The following YEATS2 variants were observed in gnomAD, a reference collection of about 807,000 sequenced individuals.
YEATS2 encodes YEATS domain-containing protein 2.
In YEATS2, 77 loss-of-function variants were observed where a neutral mutation model predicts 163.2. The observed-to-expected ratio is 0.47, with a 90% CI of 0.39 to 0.57. The LOEUF is 0.57. Ranked by LOEUF, YEATS2 falls within the 20% of genes least tolerant of loss-of-function variation. YEATS2 has a pLI of 0.00. For missense variants in YEATS2, 1,549 were observed against 1,729.8 expected (o/e 0.90, Z 1.85); for synonymous variants, 631 against 645.1 (o/e 0.98, Z 0.33).
chr3:183,729,850 G>T (rs1298509735), intron 7 of YEATS2, among the ~76,000 whole-genome samples: 1 of 151,632 alleles, frequency 6.6e-6, no homozygotes, highest in Admixed American at 6.6e-5. Context: ...ACCACACCCG[G>T]CTAATTTTTT....
At position 183,728,788 on chromosome 3, in the gene YEATS2, T is replaced by C; in HGVS notation, c.749T>C (p.Phe250Ser). Residue 250 changes from phenylalanine (F) to serine (S), a missense_variant, in exon 7 of 31, where the codon TTT becomes TCT. Phe to Ser is a radical substitution (Grantham distance 155). Coordinates refer to ENST00000305135, the MANE Select transcript of YEATS2 (RefSeq NM_018023.5). ...CGTAGAGAACCCAGCATTAATCATT[T>C]TGTCAAGAAGGTTTGGTTCTTCCTT... ...GSRREPSINH[F>S]VKKVWFFLHP... 6.2e-7 allele frequency: 1 copy of C among 1,614,164 alleles called. No individual in the cohort carries two copies. The highest frequency in any genetic ancestry group is 8.5e-7 in the Non-Finnish European group (1 of 1,180,014).
chr3:183,698,404 C>A (rs914145235), intron 1 of YEATS2, among the ~76,000 whole-genome samples: 13 of 152,142 alleles, frequency 8.5e-5, no homozygotes, highest in African/African-American at 3.1e-4. Flanking sequence ...CCCACCGGGC[C>A]TCCCTGGGAT....
intron 1 of YEATS2, among the ~76,000 whole-genome samples, chr3:183,712,389 T>C (rs1715365333): frequency 6.6e-6 from 1 of 151,394 alleles, no homozygotes; most frequent in Non-Finnish European, 1.5e-5. Flanking sequence ...TTTTGTATTT[T>C]TAGTAGAGAC....
chr3:183,786,487 C>G (rs932254815), intron 20 of YEATS2, among the ~76,000 whole-genome samples, 186 bp downstream of exon 20: 3 of 151,936 alleles, frequency 2.0e-5, no homozygotes, highest in African/African-American at 7.3e-5. Context: ...TAGTGCTTGT[C>G]ATTCACATGG....
At chr3:183,717,930 A>G (rs932235582) in intron 3 of YEATS2, among the ~76,000 whole-genome samples, 182 bp downstream of exon 3, 2 of 150,942 alleles carry the variant, frequency 1.3e-5, no homozygotes, top group African/African-American at 2.4e-5. Context: ...AAATAGTGCA[A>G]TTGCAGAAAG....
intron 1 of YEATS2, among the ~76,000 whole-genome samples, chr3:183,712,697 C>T (rs1006400396): frequency 1.3e-5 from 2 of 151,740 alleles, no homozygotes; most frequent in South Asian, 2.1e-4. Context: ...ATCCAGGCTG[C>T]GAAGAAAGGG....
At chr3:183,723,816 G>A (rs1369025442) in intron 5 of YEATS2, among the ~76,000 whole-genome samples, 1 of 152,098 alleles carries the variant, frequency 6.6e-6, no homozygotes, top group East Asian at 1.9e-4. Flanking sequence ...AGAGGCTGAG[G>A]CAGGAGAATC....
intron 1 of YEATS2, among the ~76,000 whole-genome samples, chr3:183,700,546 A>C (rs1451207320): frequency 6.6e-6 from 1 of 151,440 alleles, no homozygotes; most frequent in African/African-American, 2.4e-5. Context: ...CAGTTTTCTC[A>C]CAGAAAACAA....
At chr3:183,802,509 G>GTGTGTGTGTGTGTA (rs1364263826) in intron 25 of YEATS2, 26 of 66,838 alleles carry the variant, frequency 3.9e-4, no homozygotes, top group African/African-American at 1.1e-3. Flanking sequence ...GTGTGTGTGT[G>GTGTGTGTGTGTGTA]TATACATGTA....
In YEATS2 at chr3:183,721,955, C is replaced by T; in HGVS notation, c.356C>T (p.Pro119Leu). The T allele has an allele frequency of 6.2e-7, 1 of 1,614,076 alleles. No individual in the cohort carries two copies. Among genetic ancestry groups the T allele is most frequent in the South Asian group, 1.1e-5 (1 of 91,080 alleles). Reference protein sequence around the residue: ...HPAIKKFLESPSRSSSPANQR... With the variant: ...HPAIKKFLESLSRSSSPANQR... ...GCTATCAAGAAATTTTTGGAATCACCATCTAGGTCATCATCTCCTGCCAAT... is the reference window on the plus strand; with the variant it reads ...GCTATCAAGAAATTTTTGGAATCACTATCTAGGTCATCATCTCCTGCCAAT... Residue 119 changes from proline to leucine, a missense_variant, in exon 5 of 31, where the codon CCA becomes CTA. Coordinates refer to ENST00000305135, the MANE Select transcript of YEATS2 (RefSeq NM_018023.5).
chr3:183,746,480 C>T (rs1380089885), intron 8 of YEATS2, among the ~76,000 whole-genome samples: 13 of 152,158 alleles, frequency 8.5e-5, no homozygotes. Context: ...GTTCCTGTTA[C>T]ATTTCTTGTA....
chr3:183,786,323 G>A (rs1350164086), intron 20 of YEATS2, 22 bp downstream of exon 20: 4 of 1,590,368 alleles, frequency 2.5e-6, no homozygotes, highest in Non-Finnish European at 3.4e-6. Context: ...CATGTCAGTA[G>A]AGAATCCTAA....
chr3:183,803,462 C>A, intron 26 of YEATS2, 127 bp downstream of exon 26: 1 of 999,886 alleles, frequency 1.0e-6, no homozygotes, highest in Non-Finnish European at 1.5e-6. Flanking sequence ...TAAAAAAAAT[C>A]TCATTTTTCA....
At chr3:183,747,753 T>A (rs769459707) in intron 9 of YEATS2, 37 bp downstream of exon 9, 2 of 1,587,920 alleles carry the variant, frequency 1.3e-6, no homozygotes, top group Non-Finnish European at 1.7e-6. Flanking sequence ...TGGGAATGAG[T>A]AGGATGAAAA....
At chr3:183,784,515 GTA>G (rs1281225943) in intron 19 of YEATS2, among the ~76,000 whole-genome samples, 1 of 152,208 alleles carries the variant, frequency 6.6e-6, no homozygotes, top group African/African-American at 2.4e-5. Flanking sequence ...TTTGTCGGAT[GTA>G]TGGTTTATGA....
chr3:183,788,902 C>T (rs1441606092), intron 20 of YEATS2, among the ~76,000 whole-genome samples: 1 of 152,114 alleles, frequency 6.6e-6, no homozygotes, highest in Non-Finnish European at 1.5e-5. Flanking sequence ...TTTTTATATG[C>T]CCCTTGGGCC....
chr3:183,774,595 A>ACT (rs1722787823), intron 17 of YEATS2, among the ~76,000 whole-genome samples: 1 of 152,224 alleles, frequency 6.6e-6, no homozygotes, highest in Non-Finnish European at 1.5e-5. Flanking sequence ...CCCCATGGAA[A>ACT]TGAGGCAGTT....
In YEATS2 at chr3:183,712,764, ATTT is replaced by A. The variant is rs35062693; in HGVS notation, c.-19-2368_-19-2366del. 3.1e-3 allele frequency among the ~76,000 whole-genome samples: 458 copies of A among 146,458 alleles called. 1 individual carries two copies. Among genetic ancestry groups the A allele is most frequent in the Middle Eastern group, 0.018 (5 of 278 alleles). On this transcript the variant is annotated intron_variant, in intron 1 of 30. Coordinates refer to ENST00000305135, the MANE Select transcript of YEATS2 (RefSeq NM_018023.5). ...AGGATTGTGGCTAATACTAATACAA[ATTT>A]TTTTTTTTTTTCGAGAGAGTTTTGC...
chr3:183,718,232 T>G (rs1224304961), intron 3 of YEATS2, among the ~76,000 whole-genome samples: 1 of 152,238 alleles, frequency 6.6e-6, no homozygotes. Flanking sequence ...AGATAATCCC[T>G]CTTTGCTCTT....
Sources: gnomAD v4.1 joint callset for allele counts (sites outside exome capture counted in the v4.1 genomes callset) on GRCh38, gnomAD v4.1.1 for gene constraint, MANE v1.5 for transcripts, NCBI Gene and HGNC (gene_info 2026-07-23, HGNC 2026-07-21) for gene names.